Variants in FAM3B observed in about 807,000 individuals in gnomAD.
FAM3B encodes protein FAM3B.
Under a neutral mutation model 28.4 loss-of-function variants are expected in FAM3B, and 29 were observed. That is an observed-to-expected ratio of 1.02 (90% CI 0.76 to 1.39). FAM3B has a LOEUF of 1.39. Ranked by LOEUF, FAM3B falls within the 40% of genes most tolerant of loss-of-function variation. The pLI is 0.00. For synonymous variants in FAM3B, 91 were observed against 103.0 expected (o/e 0.88, Z 0.71); for missense variants, 266 against 293.9 (o/e 0.91, Z 0.69).
upstream of FAM3B, among the ~76,000 whole-genome samples, chr21:41,312,960 C>T (rs4818231): frequency 0.5 from 76,392 of 152,004 alleles, 20,624 homozygotes; most frequent in East Asian, 0.74. Flanking sequence ...CAGAGTGTAG[C>T]GAGTGGGGAA....
At chr21:41,337,718 TATG>T (rs1293119044) in intron 2 of FAM3B, among the ~76,000 whole-genome samples, 1 of 151,688 alleles carries the variant, frequency 6.6e-6, no homozygotes, top group Admixed American at 6.6e-5. Flanking sequence ...GTCTATATGG[TATG>T]GTGTGCATGC....
intron 2 of FAM3B, among the ~76,000 whole-genome samples, chr21:41,335,818 A>G (rs2088950658): frequency 6.6e-6 from 1 of 152,238 alleles, no homozygotes; most frequent in Non-Finnish European, 1.5e-5. Flanking sequence ...GTGACCTAAC[A>G]CATGGTCTGT....
At chr21:41,304,654 AG>A (rs1261906161) in intron 1 of FAM3B, among the ~76,000 whole-genome samples, 1 of 152,162 alleles carries the variant, frequency 6.6e-6, no homozygotes, top group Admixed American at 6.5e-5. Context: ...GTGGGCACTC[AG>A]GAGCCCCCGA....
chr21:41,333,877 G>A (rs1215539512), intron 2 of FAM3B, among the ~76,000 whole-genome samples: 1 of 152,166 alleles, frequency 6.6e-6, no homozygotes, highest in East Asian at 1.9e-4. Flanking sequence ...GGATGGTGAA[G>A]GCCAGGTTGA....
At position 41,323,085 on chromosome 21, in the gene FAM3B, G is replaced by A. The variant is rs1365339194; in HGVS notation, c.163+19G>A. The A allele has an allele frequency of 6.3e-7, 1 of 1,599,440 alleles. No homozygotes were observed. Among genetic ancestry groups the A allele is most frequent in the Non-Finnish European group, 8.5e-7 (1 of 1,178,964 alleles). On this transcript the variant is annotated intron_variant, in intron 2 of 7. Coordinates refer to ENST00000357985, the MANE Select transcript of FAM3B (RefSeq NM_058186.4). ...CTCAAAGGTGAGTGCCGTGCTTGGG[G>A]CAGACGGCTGCCTTCATGGCTTGTG...
chr21:41,306,396 G>C (rs1387869195), intron 1 of FAM3B, among the ~76,000 whole-genome samples: 1 of 152,156 alleles, frequency 6.6e-6, no homozygotes, highest in Non-Finnish European at 1.5e-5. Context: ...AATTGACTTT[G>C]CCCAGATCCA....
At chr21:41,304,421 A>ACCGGC (rs2088670514) in intron 1 of FAM3B, 2 of 386,738 alleles carry the variant, frequency 5.2e-6, no homozygotes, top group Non-Finnish European at 1.0e-5. Context: ...GAAGGGCCCC[A>ACCGGC]GGTTGCCTGC....
chr21:41,353,859 AACC>A (rs1311984783), intron 7 of FAM3B, among the ~76,000 whole-genome samples: 3 of 152,258 alleles, frequency 2.0e-5, no homozygotes, highest in Non-Finnish European at 4.4e-5. Context: ...GTAAACAGAC[AACC>A]TTTAGAATGG....
chr21:41,321,363 C>T (rs1302728135), intron 1 of FAM3B, among the ~76,000 whole-genome samples: 2 of 152,222 alleles, frequency 1.3e-5, no homozygotes, highest in East Asian at 3.8e-4. Context: ...GAGATCACTC[C>T]TGCAGAGGAG....
At chr21:41,323,147 AG>A in intron 2 of FAM3B, 81 bp downstream of exon 2, 1 of 1,549,708 alleles carries the variant, frequency 6.5e-7, no homozygotes. Flanking sequence ...TCCCAGCTGG[AG>A]GCTGGGGGGC....
At chr21:41,332,396 T>C (rs1053810074) in intron 2 of FAM3B, among the ~76,000 whole-genome samples, 4 of 152,250 alleles carry the variant, frequency 2.6e-5, no homozygotes, top group African/African-American at 9.6e-5. Context: ...ATTTTTTTAA[T>C]AGCTTGTTGA....
intron 1 of FAM3B, chr21:41,319,405 A>G (rs2088781281): frequency 6.6e-6 from 1 of 152,242 alleles, no homozygotes; most frequent in South Asian, 2.1e-4. Flanking sequence ...GCTGGGCAGC[A>G]AGCACAGTGG....
upstream of FAM3B, among the ~76,000 whole-genome samples, chr21:41,314,149 C>T (rs1303655054): frequency 6.6e-6 from 1 of 152,188 alleles, no homozygotes; most frequent in African/African-American, 2.4e-5. Context: ...TAGTGCCCTT[C>T]TAAGAAGAAA....
At chr21:41,344,993 A>C (rs887920805) in intron 4 of FAM3B, among the ~76,000 whole-genome samples, 21 of 152,196 alleles carry the variant, frequency 1.4e-4, no homozygotes, top group African/African-American at 4.6e-4. Flanking sequence ...GCTCTCTCAC[A>C]GTTGCCTTTG....
chr21:41,338,871 G>T (rs1228264242), intron 3 of FAM3B, among the ~76,000 whole-genome samples: 1 of 152,180 alleles, frequency 6.6e-6, no homozygotes, highest in African/African-American at 2.4e-5. Context: ...TGGGGCACGT[G>T]GGGGCATGAG....
chr21:41,327,939 G>T (rs541252446), intron 2 of FAM3B, among the ~76,000 whole-genome samples: 2 of 152,214 alleles, frequency 1.3e-5, no homozygotes, highest in South Asian at 2.1e-4. Context: ...CAGTGGGTCC[G>T]TATAGAGGCG....
chr21:41,316,128 G>A (rs1435676769), upstream of FAM3B, among the ~76,000 whole-genome samples: 1 of 152,174 alleles, frequency 6.6e-6, no homozygotes, highest in Admixed American at 6.6e-5. Flanking sequence ...GGGGAGAGAG[G>A]AGCTATTCCT....
chr21:41,333,965 T>C (rs1262090806), intron 2 of FAM3B, among the ~76,000 whole-genome samples: 2 of 152,200 alleles, frequency 1.3e-5, no homozygotes, highest in African/African-American at 4.8e-5. Flanking sequence ...GCAAAGAGCT[T>C]GGCTGCATTG....
At chr21:41,356,072 C>CAT (rs916224320) in intron 7 of FAM3B, among the ~76,000 whole-genome samples, 1 of 150,386 alleles carries the variant, frequency 6.6e-6, no homozygotes, top group African/African-American at 2.5e-5. Context: ...CACACACACA[C>CAT]ACACACACAC....
Sources: allele counts gnomAD v4.1 joint callset (sites outside exome capture counted in the v4.1 genomes callset), GRCh38; gene constraint gnomAD v4.1.1; transcripts MANE v1.5; gene names NCBI Gene and HGNC (gene_info 2026-07-23, HGNC 2026-07-21).